Variants in FAM171A1 observed in about 807,000 individuals in gnomAD.
FAM171A1 encodes family with sequence similarity 171 member A1, also known as protein FAM171A1.
In FAM171A1, 23 loss-of-function variants were observed where a neutral mutation model predicts 74.9. The ratio of observed to expected loss-of-function variants is 0.31; its 90% CI spans 0.22 to 0.44. The LOEUF is 0.44. Among genes scored for constraint, FAM171A1 ranks in the 20% least tolerant of loss-of-function variants. The pLI, the probability that FAM171A1 is intolerant of heterozygous loss-of-function variation, is 1.00. For synonymous variants in FAM171A1, 527 were observed against 505.7 expected (o/e 1.04, Z -0.57); for missense variants, 1,162 against 1,159.2 (o/e 1.00, Z -0.03).
In FAM171A1 at chr10:15,212,909, G is replaced by C; in HGVS notation, c.*6C>G. ...ATATTCCACAGTCAGGTGGGTCTGC[G>C]ATAGCTCATTTAATGTTAAACGCCA... On this transcript the variant is annotated 3_prime_UTR_variant, in exon 8 of 8. Coordinates refer to ENST00000378116, the MANE Select transcript of FAM171A1 (RefSeq NM_001010924.2). 2 of 1,613,622 alleles carry C rather than the reference G, an allele frequency of 1.2e-6. No homozygotes were observed. Among genetic ancestry groups the C allele is most frequent in the Non-Finnish European group, 1.7e-6 (2 of 1,179,914 alleles).
At chr10:15,236,555 G>T (rs975306927) in intron 5 of FAM171A1, among the ~76,000 whole-genome samples, 1 of 152,098 alleles carries the variant, frequency 6.6e-6, no homozygotes, top group African/African-American at 2.4e-5. Context: ...AGACCAAGCC[G>T]TCTCGGTGGC....
intron 1 of FAM171A1, among the ~76,000 whole-genome samples, chr10:15,339,323 CCT>C (rs1255724238): frequency 6.6e-6 from 1 of 152,040 alleles, no homozygotes; most frequent in African/African-American, 2.4e-5. Context: ...GCTTTTTTCC[CCT>C]AATTTTCATT....
chr10:15,224,755 T>A (rs1834083557), intron 5 of FAM171A1, among the ~76,000 whole-genome samples: 1 of 152,198 alleles, frequency 6.6e-6, no homozygotes, highest in African/African-American at 2.4e-5. Context: ...CATGTGGAAC[T>A]GTGAGTCTAT....
chr10:15,337,242 T>C (rs6602841), intron 1 of FAM171A1, among the ~76,000 whole-genome samples: 65,661 of 152,162 alleles, frequency 0.43, 14,607 homozygotes, highest in Non-Finnish European at 0.51. Flanking sequence ...TTGGAACAAT[T>C]AGAGGATAAA....
intron 1 of FAM171A1, among the ~76,000 whole-genome samples, chr10:15,287,387 G>A (rs983018760): frequency 5.6e-4 from 81 of 145,928 alleles, no homozygotes; most frequent in African/African-American, 1.8e-3. Context: ...CCACCGCGCC[G>A]GCCTCTTTTT....
At position 15,248,664 on chromosome 10, in the gene FAM171A1, C is replaced by T. The variant is rs773954432; in HGVS notation, c.729G>A (p.Ala243=). The change falls in exon 5 of 8, where the codon GCG becomes GCA. Residue 243 remains alanine, a synonymous_variant. Coordinates refer to ENST00000378116, the MANE Select transcript of FAM171A1 (RefSeq NM_001010924.2). ...CCAGCTTCTGGTCAAACCGCCACGC[C>T]GCGACATAGGCATTGTGCCTCAGGC... ...QSSLRHNAYV[A]AWRFDQKLGT... The T allele has an allele frequency of 9.3e-6, 15 of 1,609,680 alleles. No individual in the cohort carries two copies. Among genetic ancestry groups the T allele is most frequent in the African/African-American group, 4.0e-5 (3 of 74,732 alleles).
intron 6 of FAM171A1, among the ~76,000 whole-genome samples, 168 bp downstream of exon 6, chr10:15,220,776 C>T (rs45471797): frequency 0.03 from 4,607 of 152,218 alleles, 84 homozygotes; most frequent in East Asian, 0.057. Context: ...AGAAGTCCCC[C>T]ACCCCCGCAA....
intron 1 of FAM171A1, among the ~76,000 whole-genome samples, chr10:15,344,855 T>C (rs1159867391): frequency 2.6e-5 from 4 of 152,344 alleles, no homozygotes; most frequent in Non-Finnish European, 2.9e-5. Context: ...ACAAAATGCT[T>C]TGATATTCAT....
chr10:15,371,090 G>C lies in FAM171A1; in HGVS notation c.-38C>G. ...GCCGGCGGCGGCTCGGGCTCGCCGA[G>C]AGCGGGCCGGGCGGCGGCGCGTCAC... On this transcript the variant is annotated 5_prime_UTR_variant, in exon 1 of 8. Coordinates refer to ENST00000378116, the MANE Select transcript of FAM171A1 (RefSeq NM_001010924.2). 1 of 941,526 alleles carries C rather than the reference G, an allele frequency of 1.1e-6. No homozygotes were observed. The highest frequency in any genetic ancestry group is 1.3e-6 in the Non-Finnish European group (1 of 789,446). The allele number at this position is 941,526 out of a possible 1,614,324, so 58.3% of individuals were successfully genotyped here.
intron 1 of FAM171A1, among the ~76,000 whole-genome samples, chr10:15,370,382 C>G (rs1381250201): frequency 6.6e-6 from 1 of 151,902 alleles, no homozygotes; most frequent in East Asian, 1.9e-4. Flanking sequence ...AGAGAACCCC[C>G]CAAACTTTCC....
intron 1 of FAM171A1, among the ~76,000 whole-genome samples, chr10:15,356,297 A>G (rs1271064191): frequency 6.6e-6 from 1 of 151,710 alleles, no homozygotes; most frequent in Non-Finnish European, 1.5e-5. Flanking sequence ...AAGAACTAAC[A>G]ATACCTTATG....
At chr10:15,285,888 C>T (rs937992811) in intron 1 of FAM171A1, among the ~76,000 whole-genome samples, 1 of 152,174 alleles carries the variant, frequency 6.6e-6, no homozygotes, top group African/African-American at 2.4e-5. Context: ...GGAAGGAGTG[C>T]TGGGTCAGCC....
chr10:15,246,927 G>C (rs2131755127), intron 5 of FAM171A1, among the ~76,000 whole-genome samples: 1 of 152,340 alleles, frequency 6.6e-6, no homozygotes, highest in South Asian at 2.1e-4. Context: ...CTCGTGGGCT[G>C]GTATCATGAG....
In FAM171A1 at chr10:15,256,033, T is replaced by C. The variant is rs1337791875; in HGVS notation, c.419-1154A>G. On this transcript the variant is annotated intron_variant, in intron 3 of 7. Transcript: ENST00000378116. ...ACCAGACGTAAAGGTGCTAGGTAAT[T>C]TTGTGCAAACCTGGCAAAAGCATTG... Among the ~76,000 whole-genome samples the C allele has an allele frequency of 3.3e-5, 5 of 152,260 alleles. 1 individual carries two copies. The East Asian group carries it at 9.7e-4, about 29-fold the overall frequency.
intron 1 of FAM171A1, among the ~76,000 whole-genome samples, chr10:15,291,762 T>G (rs74123179): frequency 0.033 from 4,983 of 152,224 alleles, 257 homozygotes; most frequent in African/African-American, 0.1. Flanking sequence ...TTCAGGGACT[T>G]GCAGGGAGGC....
chr10:15,299,794 C>A (rs1172987422), intron 1 of FAM171A1, among the ~76,000 whole-genome samples: 1 of 151,886 alleles, frequency 6.6e-6, no homozygotes, highest in Non-Finnish European at 1.5e-5. Flanking sequence ...CTGGCTAACA[C>A]GATGAAACCC....
chr10:15,341,452 GT>G (rs1173329912), intron 1 of FAM171A1, among the ~76,000 whole-genome samples: 2 of 152,162 alleles, frequency 1.3e-5, no homozygotes, highest in African/African-American at 2.4e-5. Flanking sequence ...TTATTCGAGA[GT>G]TTTTTTCCTC....
intron 1 of FAM171A1, among the ~76,000 whole-genome samples, chr10:15,332,837 G>A (rs1454566681): frequency 1.3e-5 from 2 of 152,132 alleles, no homozygotes; most frequent in Admixed American, 1.3e-4. Flanking sequence ...AGAATGGCGA[G>A]GAAGGAAGAG....
intron 3 of FAM171A1, among the ~76,000 whole-genome samples, chr10:15,273,470 G>C (rs1000370157): frequency 2.6e-5 from 4 of 152,170 alleles, no homozygotes; most frequent in Admixed American, 1.3e-4. Flanking sequence ...GCTACAAAGA[G>C]GAGCTGGTAC....
Sources: allele counts gnomAD v4.1 joint callset (sites outside exome capture counted in the v4.1 genomes callset), GRCh38; gene constraint gnomAD v4.1.1; transcripts MANE v1.5; gene names NCBI Gene and HGNC (gene_info 2026-07-23, HGNC 2026-07-21).